The following TBXAS1 variants were observed in gnomAD, a reference collection of about 807,000 sequenced individuals.
The protein encoded by TBXAS1 is thromboxane A synthase 1, also known as thromboxane-A synthase.
In TBXAS1, 48 loss-of-function variants were observed where a neutral mutation model predicts 60.7. The observed-to-expected ratio is 0.79, with a 90% confidence interval of 0.63 to 1.01. TBXAS1 has a LOEUF of 1.01. Among genes scored for constraint, TBXAS1 ranks in the 50% least tolerant of loss-of-function variants. The pLI is 0.00. For missense variants in TBXAS1, 685 were observed against 686.3 expected, an observed-to-expected ratio of 1.00 and a Z score of 0.02; for synonymous variants, 287 against 269.7, an observed-to-expected ratio of 1.06 and a Z score of -0.63.
At position 139,852,935 on chromosome 7, in the gene TBXAS1, T is replaced by TACACACAC. The variant is rs57545948; in HGVS notation, c.90-19252_90-19245dup. Among the ~76,000 whole-genome samples, 47 of 127,502 alleles carry TACACACAC rather than the reference T, an allele frequency of 3.7e-4. No homozygotes were observed. The highest frequency in any genetic ancestry group is 5.6e-4 in the Non-Finnish European group (33 of 58,986). The allele number at this position is 127,502 out of a possible 152,430, so 83.6% of individuals were successfully genotyped here. The stretch of plus-strand genomic sequence containing the variant: ...TGTGTACCAACCTTGGCTACTCCAA[T>TACACACAC]ACACACACACACACACACACACACA... On this transcript the variant is annotated intron_variant, in intron 1 of 12. Transcript: ENST00000448866. The surrounding 1 kb of genome is among the most constrained non-coding windows in gnomAD (Gnocchi z 4.4).
At chr7:139,994,136 G>A (rs944317990) in intron 9 of TBXAS1, among the ~76,000 whole-genome samples, 1 of 152,148 alleles carries the variant, frequency 6.6e-6, no homozygotes, top group African/African-American at 2.4e-5. Flanking sequence ...CTGCCTCCCA[G>A]GTTCAGGTGG....
intron 5 of TBXAS1, among the ~76,000 whole-genome samples, chr7:139,947,160 A>C (rs1258523512): frequency 2.0e-5 from 3 of 152,214 alleles, no homozygotes; most frequent in Non-Finnish European, 1.5e-5. Context: ...CATTAAAAAA[A>C]AAACTGGTGC....
intron 9 of TBXAS1, among the ~76,000 whole-genome samples, chr7:139,994,370 T>C (rs1486660479): frequency 7.2e-5 from 11 of 152,212 alleles, no homozygotes; most frequent in Admixed American, 7.2e-4. Flanking sequence ...GTCCTATGAC[T>C]GGTCTCCCAA....
At chr7:139,779,064 T>C (rs555095726) in intron 1 of TBXAS1, among the ~76,000 whole-genome samples, 10 of 152,352 alleles carry the variant, frequency 6.6e-5, no homozygotes, top group Non-Finnish European at 2.9e-5. Flanking sequence ...CATAAACCTT[T>C]TGTTTCGATT....
At chr7:139,995,294 TC>T (rs1386757656) in intron 9 of TBXAS1, among the ~76,000 whole-genome samples, 1 of 152,098 alleles carries the variant, frequency 6.6e-6, no homozygotes, top group African/African-American at 2.4e-5. Flanking sequence ...GTTTACCATT[TC>T]CCCAAACAGC....
chr7:139,937,856 G>A (rs1461864151), intron 5 of TBXAS1, among the ~76,000 whole-genome samples: 1 of 150,990 alleles, frequency 6.6e-6, no homozygotes, highest in Admixed American at 6.6e-5. Flanking sequence ...GGCCACGTAG[G>A]ACTGTGCCAG....
At chr7:139,932,824 A>C (rs1178340772) in intron 4 of TBXAS1, among the ~76,000 whole-genome samples, 1 of 152,208 alleles carries the variant, frequency 6.6e-6, no homozygotes, top group African/African-American at 2.4e-5. Context: ...TGGGAGACCA[A>C]GGTGGGAGGA....
chr7:139,801,196 T>C (rs1031197016), intron 4 of TBXAS1, among the ~76,000 whole-genome samples: 2 of 152,256 alleles, frequency 1.3e-5, no homozygotes, highest in Non-Finnish European at 2.9e-5. Context: ...TTTCTTTGTA[T>C]TGGCTTTTTA....
intron 4 of TBXAS1, among the ~76,000 whole-genome samples, chr7:139,787,730 A>G (rs1007327491): frequency 2.6e-5 from 4 of 152,140 alleles, no homozygotes; most frequent in Non-Finnish European, 5.9e-5. Flanking sequence ...CCCTCTACCC[A>G]TGCTGTCCTC....
At chr7:139,960,094 C>T (rs544318585) in intron 8 of TBXAS1, among the ~76,000 whole-genome samples, 5 of 152,340 alleles carry the variant, frequency 3.3e-5, no homozygotes, top group Non-Finnish European at 5.9e-5. Context: ...ATTTTCTCAG[C>T]TATTACAACC....
intron 4 of TBXAS1, among the ~76,000 whole-genome samples, chr7:139,791,398 C>G (rs777368903): frequency 6.6e-6 from 1 of 152,096 alleles, no homozygotes; most frequent in African/African-American, 2.4e-5. Context: ...GATACCCCCA[C>G]GGGAGATTTT....
intron 4 of TBXAS1, among the ~76,000 whole-genome samples, chr7:139,930,099 C>T (rs578247952): frequency 4.6e-5 from 7 of 152,304 alleles, no homozygotes; most frequent in South Asian, 2.1e-4. Flanking sequence ...AGGGTCCTCA[C>T]GCACATGATG....
intron 10 of TBXAS1, among the ~76,000 whole-genome samples, chr7:140,011,343 G>GAAAAAAAAAAGA (rs56317793): frequency 1.3e-5 from 2 of 148,528 alleles, no homozygotes; most frequent in Non-Finnish European, 3.0e-5. Context: ...AAAAAAAAAA[G>GAAAAAAAAAAGA]AAAAAAAAGG....
At chr7:139,963,467 T>C (rs1012100728) in intron 9 of TBXAS1, among the ~76,000 whole-genome samples, 1 of 152,204 alleles carries the variant, frequency 6.6e-6, no homozygotes, top group Non-Finnish European at 1.5e-5. Flanking sequence ...AGGACTTCCC[T>C]CCAGATTGAC....
intron 8 of TBXAS1, among the ~76,000 whole-genome samples, chr7:139,961,353 T>C (rs551491546): frequency 1.3e-5 from 2 of 152,342 alleles, no homozygotes; most frequent in African/African-American, 4.8e-5. Flanking sequence ...TGCTTGGTTT[T>C]AAATCTATCT....
intron 4 of TBXAS1, among the ~76,000 whole-genome samples, chr7:139,806,875 T>C (rs1405709011): frequency 1.3e-5 from 2 of 152,198 alleles, no homozygotes; most frequent in African/African-American, 4.8e-5. Context: ...CACACTGGTG[T>C]GTGGTCCCTG....
Position 139,933,210 on chromosome 7 carries a change from C to T in TBXAS1, c.334-2981C>T, listed in dbSNP as rs79690164. ...GCTGGTGAGAAAGATATGTGAAGGC[C>T]ATGCTGACATATTGCAAGGAGGACT... On this transcript the variant is annotated intron_variant, in intron 4 of 12. Coordinates refer to ENST00000448866, the MANE Select transcript of TBXAS1 (RefSeq NM_001061.7). 4.7e-3 allele frequency among the ~76,000 whole-genome samples: 720 copies of T among 152,182 alleles called. 5 individuals are homozygous for T. The highest frequency in any genetic ancestry group is 0.016 in the African/African-American group (675 of 41,502).
At chr7:139,937,271 G>A (rs1000574744) in intron 5 of TBXAS1, among the ~76,000 whole-genome samples, 1 of 152,180 alleles carries the variant, frequency 6.6e-6, no homozygotes, top group Non-Finnish European at 1.5e-5. Context: ...TGGCTTGAGT[G>A]CCCTGGGCTT....
chr7:139,827,049 C>G (rs542926626), upstream of TBXAS1, among the ~76,000 whole-genome samples: 9 of 152,258 alleles, frequency 5.9e-5, no homozygotes, highest in South Asian at 1.9e-3. Context: ...GAGCATGAAC[C>G]CACCCCCAAA....
Sources: allele counts gnomAD v4.1 joint callset (sites outside exome capture counted in the v4.1 genomes callset), GRCh38; gene constraint gnomAD v4.1.1; non-coding constraint Gnocchi (gnomAD v3.1); transcripts MANE v1.5; gene names NCBI Gene and HGNC (gene_info 2026-07-23, HGNC 2026-07-21).